Variants in ARHGAP24 observed in about 807,000 individuals in gnomAD.
The protein encoded by ARHGAP24 is Rho GTPase activating protein 24, also known as rho GTPase-activating protein 24.
In ARHGAP24, 50 loss-of-function variants were observed where a neutral mutation model predicts 76.4. That is an observed-to-expected ratio of 0.65 (90% confidence interval 0.52 to 0.83). The LOEUF is 0.83. Among genes scored for constraint, ARHGAP24 ranks in the 40% least tolerant of loss-of-function variants. The pLI, the probability that ARHGAP24 is intolerant of heterozygous loss-of-function variation, is 0.00. For synonymous variants in ARHGAP24, 345 were observed against 323.3 expected, an observed-to-expected ratio of 1.07 and a Z score of -0.72; for missense variants, 930 against 914.2, an observed-to-expected ratio of 1.02 and a Z score of -0.22.
chr4:85,755,650 T>TTTTTTTTA (rs1726462712), intron 3 of ARHGAP24, among the ~76,000 whole-genome samples: 1 of 144,668 alleles, frequency 6.9e-6, no homozygotes, highest in African/African-American at 2.5e-5. Flanking sequence ...TGTTTTGTTT[T>TTTTTTTTA]GAGACGGAGT....
intron 3 of ARHGAP24, among the ~76,000 whole-genome samples, chr4:85,757,203 G>A (rs552837642): frequency 5.3e-4 from 70 of 132,104 alleles, no homozygotes; most frequent in African/African-American, 1.9e-3. Flanking sequence ...AGGGGTCAAT[G>A]CAACCAATTC....
intron 2 of ARHGAP24, among the ~76,000 whole-genome samples, chr4:85,666,072 G>T (rs977009183): frequency 1.7e-4 from 26 of 152,278 alleles, no homozygotes; most frequent in African/African-American, 5.3e-4. Context: ...TGCCTTGCTA[G>T]ATTGGGGAAG....
At chr4:85,755,083 G>A (rs1726423195) in intron 3 of ARHGAP24, among the ~76,000 whole-genome samples, 2 of 152,118 alleles carry the variant, frequency 1.3e-5, no homozygotes, top group Admixed American at 1.3e-4. Flanking sequence ...CCTATATTAG[G>A]CCCTGAAAGA....
At chr4:85,793,752 T>A (rs1728226420) in intron 3 of ARHGAP24, among the ~76,000 whole-genome samples, 1 of 152,206 alleles carries the variant, frequency 6.6e-6, no homozygotes, top group African/African-American at 2.4e-5. Context: ...AAGTGTGTTT[T>A]CCTTCATACT....
Position 85,994,944 on chromosome 4 carries a change from TG to T in ARHGAP24, c.1293del (p.Ile432Ter). On this transcript the variant is annotated frameshift_variant, in exon 9 of 10. Coordinates refer to ENST00000395184, the MANE Select transcript of ARHGAP24 (RefSeq NM_001025616.3). LOFTEE classifies it high-confidence loss of function. ...KKNPAFNKGS[G>X]IVTNGSFSSS... ...AGAACCCAGCCTTTAATAAGGGTAGTGGGATAGTTACCAATGGGTCCTTCAG... is the reference window on the plus strand; with the variant it reads ...AGAACCCAGCCTTTAATAAGGGTAGTGGATAGTTACCAATGGGTCCTTCAG... 1.2e-6 allele frequency: 2 copies of T among 1,614,064 alleles called. No individual in the cohort carries two copies. Among genetic ancestry groups the T allele is most frequent in the Non-Finnish European group, 1.7e-6 (2 of 1,180,014 alleles).
chr4:85,797,152 A>ATTTTTTTTGTTT (rs774388072), intron 3 of ARHGAP24, among the ~76,000 whole-genome samples: 1 of 136,626 alleles, frequency 7.3e-6, no homozygotes, highest in South Asian at 2.2e-4. Context: ...AGGAAAAAAA[A>ATTTTTTTTGTTT]TTTTTTTTGT....
intron 1 of ARHGAP24, among the ~76,000 whole-genome samples, chr4:85,528,603 T>C (rs1415179399): frequency 6.6e-6 from 1 of 152,048 alleles, no homozygotes; most frequent in African/African-American, 2.4e-5. Flanking sequence ...GGGATTAGAA[T>C]TGCATCTAAT....
At chr4:85,585,309 G>T (rs912217866) in intron 2 of ARHGAP24, among the ~76,000 whole-genome samples, 2 of 152,188 alleles carry the variant, frequency 1.3e-5, no homozygotes, top group Non-Finnish European at 2.9e-5. Flanking sequence ...CTAAATTATG[G>T]TACATAAAAT....
intron 3 of ARHGAP24, among the ~76,000 whole-genome samples, chr4:85,801,172 T>A (rs1213413785): frequency 6.6e-6 from 1 of 152,144 alleles, no homozygotes; most frequent in East Asian, 1.9e-4. Flanking sequence ...GCATTAAAAA[T>A]AACAGTATAA....
intron 2 of ARHGAP24, among the ~76,000 whole-genome samples, chr4:85,588,498 A>G (rs904674179): frequency 2.0e-5 from 3 of 152,118 alleles, no homozygotes; most frequent in Non-Finnish European, 4.4e-5. Flanking sequence ...TAAGGTCGCT[A>G]TTAGCTCGCC....
intron 2 of ARHGAP24, among the ~76,000 whole-genome samples, chr4:85,641,710 G>A (rs931563232): frequency 9.2e-5 from 14 of 152,170 alleles, no homozygotes; most frequent in African/African-American, 3.4e-4. Context: ...ACTCAGAGAA[G>A]CATGTTTACT....
intron 2 of ARHGAP24, among the ~76,000 whole-genome samples, chr4:85,616,715 C>A (rs960920371): frequency 4.6e-5 from 7 of 152,162 alleles, no homozygotes; most frequent in Non-Finnish European, 4.4e-5. Flanking sequence ...GGAACCTGCA[C>A]TTCCCAGATA....
chr4:85,946,941 C>A (rs993775625), intron 5 of ARHGAP24, among the ~76,000 whole-genome samples: 16 of 152,150 alleles, frequency 1.1e-4, no homozygotes, highest in African/African-American at 3.9e-4. Context: ...AATTTACATT[C>A]CCATTAACAG....
intron 8 of ARHGAP24, among the ~76,000 whole-genome samples, chr4:85,987,319 C>T (rs1394314396): frequency 6.6e-6 from 1 of 152,002 alleles, no homozygotes; most frequent in Non-Finnish European, 1.5e-5. Flanking sequence ...AGCTAATCCC[C>T]AGATGCTTCA....
chr4:85,691,040 T>A (rs1723635662), intron 2 of ARHGAP24, among the ~76,000 whole-genome samples: 1 of 152,156 alleles, frequency 6.6e-6, no homozygotes, highest in Non-Finnish European at 1.5e-5. Flanking sequence ...TTTGGTAAGT[T>A]GCATCTCTAT....
chr4:85,587,289 C>T (rs753059088), intron 2 of ARHGAP24, among the ~76,000 whole-genome samples: 3 of 152,050 alleles, frequency 2.0e-5, no homozygotes, highest in Non-Finnish European at 2.9e-5. Flanking sequence ...AAGAGAAGGC[C>T]GAATGATGTC....
intron 3 of ARHGAP24, among the ~76,000 whole-genome samples, chr4:85,898,726 G>T (rs1272717900): frequency 6.6e-6 from 1 of 152,100 alleles, no homozygotes; most frequent in Non-Finnish European, 1.5e-5. Flanking sequence ...GAATTACTGG[G>T]ATTTAATATG....
intron 3 of ARHGAP24, among the ~76,000 whole-genome samples, chr4:85,759,524 A>T (rs1023644369): frequency 5.9e-5 from 9 of 152,192 alleles, no homozygotes; most frequent in African/African-American, 2.2e-4. Context: ...CTTTATGCAG[A>T]GTCTAGGGGG....
At chr4:85,994,362 C>A (rs375869542) in intron 8 of ARHGAP24, among the ~76,000 whole-genome samples, 30 of 151,986 alleles carry the variant, frequency 2.0e-4, no homozygotes, top group African/African-American at 7.0e-4. Flanking sequence ...TTTCAAAATT[C>A]AATTAAATTA....
Sources: allele counts gnomAD v4.1 joint callset (sites outside exome capture counted in the v4.1 genomes callset), GRCh38; gene constraint gnomAD v4.1.1; transcripts MANE v1.5; gene names NCBI Gene and HGNC (gene_info 2026-07-23, HGNC 2026-07-21).